The following STPG4 variants were observed in gnomAD, a reference collection of about 807,000 sequenced individuals.
STPG4 encodes protein STPG4.
Under a neutral mutation model 31.5 loss-of-function variants are expected in STPG4, and 41 were observed. That is an observed-to-expected ratio of 1.30 (90% CI 1.01 to 1.69). The LOEUF is 1.69. Ranked by LOEUF, STPG4 falls within the 40% of genes most tolerant of loss-of-function variation. The pLI, the probability that STPG4 is intolerant of heterozygous loss-of-function variation, is 0.00. For missense variants in STPG4, 375 were observed against 293.4 expected (o/e 1.28, Z -2.03); for synonymous variants, 141 against 103.0 (o/e 1.37, Z -2.24).
In STPG4 at chr2:47,122,697, T is replaced by G. The variant is rs1009606423; in HGVS notation, c.519+7244A>C. 8.1e-5 allele frequency among the ~76,000 whole-genome samples: 12 copies of G among 148,850 alleles called. No individual in the cohort carries two copies. The East Asian group carries it at 2.2e-3, about 27-fold the overall frequency. On this transcript the variant is annotated intron_variant, in intron 5 of 6. Coordinates refer to ENST00000445927, the MANE Select transcript of STPG4 (RefSeq NM_001163561.2). ...GTTCAGTTTTCTCAATTTTTTTTTT[T>G]GCAGATGTTTGCTATGCGGTCTTTT...
chr2:47,091,963 T>C (rs929579168), intron 5 of STPG4, among the ~76,000 whole-genome samples: 28 of 150,592 alleles, frequency 1.9e-4, no homozygotes, highest in African/African-American at 6.4e-4. Context: ...CCAGTGTTGA[T>C]GAGTTTTTAT....
chr2:47,133,269 C>A (rs963133436), intron 3 of STPG4, among the ~76,000 whole-genome samples: 1 of 151,904 alleles, frequency 6.6e-6, no homozygotes, highest in Non-Finnish European at 1.5e-5. Context: ...CAGGCTCAAG[C>A]GATCCTCCTG....
At chr2:47,135,334 C>A (rs928040078) in intron 3 of STPG4, among the ~76,000 whole-genome samples, 1 of 152,124 alleles carries the variant, frequency 6.6e-6, no homozygotes, top group Non-Finnish European at 1.5e-5. Flanking sequence ...TTGTAATCAA[C>A]TTTGAGTTCA....
chr2:47,112,989 C>CAAAAAAAAAAAAAAA (rs70940656), intron 5 of STPG4, among the ~76,000 whole-genome samples: 2 of 93,670 alleles, frequency 2.1e-5, no homozygotes, highest in Non-Finnish European at 2.1e-5. Context: ...AAGACTATCT[C>CAAAAAAAAAAAAAAA]AAAAAAAAAA....
At chr2:47,141,607 A>G (rs1189077893) in intron 3 of STPG4, among the ~76,000 whole-genome samples, 1 of 151,202 alleles carries the variant, frequency 6.6e-6, no homozygotes, top group Non-Finnish European at 1.5e-5. Context: ...AACCACTTTG[A>G]GTGCTACTTT....
intron 5 of STPG4, among the ~76,000 whole-genome samples, chr2:47,107,398 C>T (rs540182318): frequency 1.3e-3 from 205 of 152,288 alleles, no homozygotes; most frequent in Non-Finnish European, 2.1e-3. Context: ...CTGCCGGCCC[C>T]GGGCAACGAG....
At chr2:47,134,047 C>T (rs945843104) in intron 3 of STPG4, among the ~76,000 whole-genome samples, 20 of 152,210 alleles carry the variant, frequency 1.3e-4, no homozygotes, top group Middle Eastern at 6.8e-3. Context: ...CATACATATA[C>T]ATATACATAT....
intron 5 of STPG4, among the ~76,000 whole-genome samples, chr2:47,101,905 G>A (rs1210101297): frequency 1.3e-5 from 2 of 151,770 alleles, no homozygotes; most frequent in Non-Finnish European, 2.9e-5. Flanking sequence ...AACACTAACA[G>A]GAGAATGCTT....
intron 5 of STPG4, among the ~76,000 whole-genome samples, chr2:47,106,482 G>A (rs924940643): frequency 1.3e-5 from 2 of 151,864 alleles, no homozygotes; most frequent in Admixed American, 6.6e-5. Flanking sequence ...CACTCTCAAA[G>A]GATTTCTCAG....
intron 3 of STPG4, among the ~76,000 whole-genome samples, chr2:47,148,059 C>A (rs992569127): frequency 6.6e-6 from 1 of 151,530 alleles, no homozygotes; most frequent in African/African-American, 2.4e-5. Context: ...TCAAGCAATT[C>A]TCGTGCCTCA....
chr2:47,120,449 C>A (rs1200894973), intron 5 of STPG4, among the ~76,000 whole-genome samples: 1 of 152,142 alleles, frequency 6.6e-6, no homozygotes, highest in South Asian at 2.1e-4. Flanking sequence ...AGAATGTGGT[C>A]CCAGCTATTC....
intron 5 of STPG4, among the ~76,000 whole-genome samples, chr2:47,126,873 C>G (rs1044733448): frequency 1.3e-5 from 2 of 152,106 alleles, no homozygotes; most frequent in African/African-American, 2.4e-5. Flanking sequence ...ACTGAGAAGT[C>G]TGCTGTCAGA....
At chr2:47,119,267 A>G (rs1004139530) in intron 5 of STPG4, among the ~76,000 whole-genome samples, 1 of 152,216 alleles carries the variant, frequency 6.6e-6, no homozygotes, top group Non-Finnish European at 1.5e-5. Flanking sequence ...ATTTTCCATA[A>G]AAGTATTCTT....
chr2:47,126,989 G>A (rs1294935998), intron 5 of STPG4, among the ~76,000 whole-genome samples: 1 of 151,860 alleles, frequency 6.6e-6, no homozygotes, highest in South Asian at 2.1e-4. Flanking sequence ...TCTTGAGGTG[G>A]TCTTATTTGG....
intron 5 of STPG4, among the ~76,000 whole-genome samples, chr2:47,118,776 T>A (rs951304972): frequency 1.3e-5 from 2 of 152,184 alleles, no homozygotes; most frequent in African/African-American, 2.4e-5. Flanking sequence ...GAGGATTACA[T>A]GAGACAGTCT....
chr2:47,099,184 G>C (rs1230907690), intron 5 of STPG4, among the ~76,000 whole-genome samples: 1 of 152,000 alleles, frequency 6.6e-6, no homozygotes, highest in Non-Finnish European at 1.5e-5. Context: ...AGGACGCCCA[G>C]GTAATTCAGA....
chr2:47,112,534 G>A (rs939357493), intron 5 of STPG4, among the ~76,000 whole-genome samples: 4 of 152,188 alleles, frequency 2.6e-5, no homozygotes, highest in Non-Finnish European at 4.4e-5. Context: ...CACTGATCAT[G>A]TTAAGAAAGG....
chr2:47,143,433 CT>C (rs145191497), intron 3 of STPG4, among the ~76,000 whole-genome samples: 13,549 of 150,294 alleles, frequency 0.09, 819 homozygotes, highest in Non-Finnish European at 0.12. Flanking sequence ...GCATCACTTT[CT>C]TTTTTAGTAA....
At chr2:47,102,693 G>A (rs1046520203) in intron 5 of STPG4, among the ~76,000 whole-genome samples, 3 of 151,708 alleles carry the variant, frequency 2.0e-5, no homozygotes, top group East Asian at 1.9e-4. Context: ...CCCCTGCCCA[G>A]AAGGAAGTAA....
Sources: gnomAD v4.1 joint callset for allele counts (sites outside exome capture counted in the v4.1 genomes callset) on GRCh38, gnomAD v4.1.1 for gene constraint, MANE v1.5 for transcripts, NCBI Gene and HGNC (gene_info 2026-07-23, HGNC 2026-07-21) for gene names.